EPB41L3: variants seen among roughly 807,000 people sequenced by gnomAD.
EPB41L3 encodes erythrocyte membrane protein band 4.1 like 3.
A neutral mutation model predicts 127.1 loss-of-function variants in EPB41L3; 57 were observed. That is an observed-to-expected ratio of 0.45 (90% CI 0.36 to 0.56). The LOEUF is 0.56. Ranked by LOEUF, EPB41L3 falls within the 20% of genes least tolerant of loss-of-function variation. EPB41L3 has a pLI of 0.00. For missense variants in EPB41L3, 1,273 were observed against 1,372.2 expected, an observed-to-expected ratio of 0.93 and a Z score of 1.14; for synonymous variants, 572 against 549.5, an observed-to-expected ratio of 1.04 and a Z score of -0.57.
intron 3 of EPB41L3, among the ~76,000 whole-genome samples, chr18:5,601,471 T>C (rs2094590765): frequency 6.6e-6 from 1 of 152,226 alleles, no homozygotes; most frequent in African/African-American, 2.4e-5. Flanking sequence ...TGCAGGGATC[T>C]GTCAGTTCAC....
chr18:5,451,311 T>C (rs775865362), intron 3 of EPB41L3, among the ~76,000 whole-genome samples: 18 of 152,276 alleles, frequency 1.2e-4, no homozygotes, highest in Non-Finnish European at 2.1e-4. Context: ...AGTTAAACAG[T>C]TCTGATGTGT....
intron 16 of EPB41L3, chr18:5,398,612 G>T (rs574117090): frequency 1.2e-5 from 5 of 402,046 alleles, no homozygotes; most frequent in South Asian, 2.5e-4. Flanking sequence ...TGTCATGCTG[G>T]AATTGCAAAC....
rs80084120 is a variant in EPB41L3 at position 5,416,432 on chromosome 18, G to A, written c.1507-54C>T. ...AAAGCAGCAAACAGAGGTGCAAAAG[G>A]ACAAAAAGAAAACTGCAATTAGTTA... is the stretch of plus-strand genomic sequence containing the variant. On this transcript the variant is annotated intron_variant, in intron 12 of 22. Coordinates refer to ENST00000341928, the MANE Select transcript of EPB41L3 (RefSeq NM_012307.5). The A allele has an allele frequency of 1.5e-3, 2,321 of 1,510,034 alleles. 23 individuals carry two copies. In the African/African-American group the frequency reaches 0.03, roughly 19 times the overall value. 93.5% of individuals were successfully genotyped at this position (1,510,034 alleles called of 1,614,324 possible). A position where few individuals can be genotyped will look rare whatever the true frequency, so the allele number is the denominator to read the frequency against.
At chr18:5,498,868 T>C (rs2091464330) in intron 1 of EPB41L3, among the ~76,000 whole-genome samples, 1 of 152,296 alleles carries the variant, frequency 6.6e-6, no homozygotes. Context: ...GAAACTGCCA[T>C]TGTGCCCTCA....
intron 3 of EPB41L3, among the ~76,000 whole-genome samples, chr18:5,579,975 C>T (rs1461700881): frequency 6.6e-6 from 1 of 152,140 alleles, no homozygotes; most frequent in African/African-American, 2.4e-5. Flanking sequence ...TCAGTGCAAC[C>T]TATAAGGCAT....
At chr18:5,529,325 CATAT>C (rs58775836) in intron 1 of EPB41L3, among the ~76,000 whole-genome samples, 29,556 of 150,324 alleles carry the variant, frequency 0.2, 2,978 homozygotes, top group African/African-American at 0.23. Flanking sequence ...CAAATACATA[CATAT>C]ATATATATAT....
chr18:5,443,260 T>C (rs999089347), intron 5 of EPB41L3, among the ~76,000 whole-genome samples: 8 of 152,238 alleles, frequency 5.3e-5, no homozygotes, highest in Non-Finnish European at 1.2e-4. Context: ...CCTAATTCTT[T>C]GTTAATCTGA....
chr18:5,519,464 C>G lies in EPB41L3; in HGVS notation c.-12+24449G>C, dbSNP rs934542500. On this transcript the variant is annotated intron_variant, in intron 1 of 22. Transcript: ENST00000341928. ...TAGTCACTCAGTTATCACCAAGACCCAAGAATCACTCTACCACAACCAGTC... is the reference window on the plus strand; with the variant it reads ...TAGTCACTCAGTTATCACCAAGACCGAAGAATCACTCTACCACAACCAGTC... Among the ~76,000 whole-genome samples the G allele has an allele frequency of 5.3e-5, 8 of 152,198 alleles. No homozygotes were observed. The East Asian group carries it at 5.8e-4, about 11-fold the overall frequency.
chr18:5,488,922 G>GT (rs1188238128), intron 2 of EPB41L3, 79 bp downstream of exon 2: 8 of 1,448,800 alleles, frequency 5.5e-6, no homozygotes, highest in Non-Finnish European at 5.4e-6. Context: ...CTGCCTCTAG[G>GT]GCTAAGAGAC....
chr18:5,603,759 T>C (rs1216218807), intron 3 of EPB41L3, among the ~76,000 whole-genome samples: 1 of 152,072 alleles, frequency 6.6e-6, no homozygotes, highest in Non-Finnish European at 1.5e-5. Context: ...TACGTGCTTA[T>C]AGTCCTAGCT....
chr18:5,419,633 C>G, intron 12 of EPB41L3, 78 bp downstream of exon 12: 1 of 1,578,592 alleles, frequency 6.3e-7, no homozygotes, highest in Non-Finnish European at 8.6e-7. Flanking sequence ...TGAGCACATT[C>G]CTGGTTTACA....
chr18:5,558,035 A>G (rs1293900134), intron 3 of EPB41L3, among the ~76,000 whole-genome samples: 1 of 152,224 alleles, frequency 6.6e-6, no homozygotes, highest in Admixed American at 6.5e-5. Context: ...TTTATTGAGC[A>G]CTTAGTATGT....
chr18:5,433,941 T>C lies in EPB41L3; in HGVS notation c.786A>G (p.Glu262=). Reference sequence around the variant, plus strand: ...GCAGCTCGATCACTTTGTCTTCCAGTTCTTTAGTGTGGTTTGGTGCAAAGC... The same window carrying C: ...GCAGCTCGATCACTTTGTCTTCCAGCTCTTTAGTGTGGTTTGGTGCAAAGC... ...EFRFAPNHTK[E]LEDKVIELHK... is the part of the protein sequence containing the mutation. Residue 262 remains glutamate (E), a synonymous_variant, in exon 7 of 23, where the codon GAA becomes GAG. Transcript: ENST00000341928. 6.2e-7 allele frequency: 1 copy of C among 1,614,212 alleles called. No individual in the cohort carries two copies. Among genetic ancestry groups the C allele is most frequent in the Non-Finnish European group, 8.5e-7 (1 of 1,180,042 alleles).
rs536922831 is a variant in EPB41L3 at position 5,523,573 on chromosome 18, C to T, written c.-12+20340G>A. 3.4e-4 allele frequency among the ~76,000 whole-genome samples: 52 copies of T among 152,230 alleles called. No homozygotes were observed. The South Asian group carries it at 0.01, about 30-fold the overall frequency. On this transcript the variant is annotated intron_variant, in intron 1 of 22. Coordinates refer to ENST00000341928, the MANE Select transcript of EPB41L3 (RefSeq NM_012307.5). ...CAGGACTTTGGGAAACCAAAGCGGG[C>T]GGATCACCTGAGGTCAGGAGTGATC... is the stretch of plus-strand genomic sequence containing the variant.
In EPB41L3 at chr18:5,525,159, C is replaced by A. The variant is rs540172510; in HGVS notation, c.-12+18754G>T. Among the ~76,000 whole-genome samples the A allele has an allele frequency of 3.3e-5, 5 of 152,254 alleles. No individual in the cohort carries two copies. The South Asian group carries it at 8.3e-4, about 25-fold the overall frequency. On this transcript the variant is annotated intron_variant, in intron 1 of 22. Coordinates refer to ENST00000341928, the MANE Select transcript of EPB41L3 (RefSeq NM_012307.5). ...TCCCCTCTACCCTGATCCCTGATGA[C>A]CTTTCTTACATTTGCTCCAAGCTGG...
intron 9 of EPB41L3, among the ~76,000 whole-genome samples, chr18:5,425,770 C>T (rs1394139236): frequency 6.6e-6 from 1 of 152,138 alleles, no homozygotes; most frequent in Non-Finnish European, 1.5e-5. Context: ...TCTGAGCCTG[C>T]TTATGCCAGC....
At chr18:5,494,761 G>A (rs2090981211) in intron 1 of EPB41L3, among the ~76,000 whole-genome samples, 2 of 151,310 alleles carry the variant, frequency 1.3e-5, no homozygotes, top group Admixed American at 1.3e-4. Context: ...ATGGAGGATC[G>A]CATGCACTTA....
chr18:5,415,680 A>G, intron 13 of EPB41L3, 138 bp downstream of exon 13: 1 of 945,760 alleles, frequency 1.1e-6, no homozygotes, highest in Non-Finnish European at 1.5e-6. Flanking sequence ...TCCCCAACAC[A>G]CAGAAACCTC....
At chr18:5,553,281 C>T (rs2093989784) in intron 3 of EPB41L3, among the ~76,000 whole-genome samples, 1 of 152,166 alleles carries the variant, frequency 6.6e-6, no homozygotes, top group African/African-American at 2.4e-5. Flanking sequence ...TGCACATTAT[C>T]TCTTTGTTCC....
Sources: gnomAD v4.1 joint callset for allele counts (sites outside exome capture counted in the v4.1 genomes callset) on GRCh38, gnomAD v4.1.1 for gene constraint, MANE v1.5 for transcripts, NCBI Gene and HGNC (gene_info 2026-07-23, HGNC 2026-07-21) for gene names.